Variants in IMPACT observed in about 807,000 individuals in gnomAD.
The protein encoded by IMPACT is protein IMPACT.
IMPACT carries 35 observed loss-of-function variants against 47.5 expected under a neutral mutation model. The observed-to-expected ratio is 0.74, with a 90% CI of 0.56 to 0.98. The LOEUF (loss-of-function observed/expected upper bound fraction) is 0.98, where lower values mean the gene tolerates loss of function less well. Among genes scored for constraint, IMPACT ranks in the 50% least tolerant of loss-of-function variants. The pLI, the probability that IMPACT is intolerant of heterozygous loss-of-function variation, is 0.00. For synonymous variants in IMPACT, 118 were observed against 125.6 expected (o/e 0.94, Z 0.40); for missense variants, 373 against 394.8 (o/e 0.94, Z 0.47).
At position 24,427,267 on chromosome 18, in the gene IMPACT, T is replaced by A. The variant is rs558944211; in HGVS notation, c.36+475T>A. 17 of 159,832 alleles carry A rather than the reference T, an allele frequency of 1.1e-4. 1 individual carries two copies. In the South Asian group the frequency reaches 1.8e-3, roughly 17 times the overall value. 9.9% of individuals were successfully genotyped at this position (159,832 alleles called of 1,614,324 possible). A position where few individuals can be genotyped will look rare whatever the true frequency, so the allele number is the denominator to read the frequency against. On this transcript the variant is annotated intron_variant, in intron 1 of 10. Coordinates refer to ENST00000284202, the MANE Select transcript of IMPACT (RefSeq NM_018439.4). ...TTCACGTGGGCGATCATAAGTCTTTTCCTACAGGGCTGTGAGTACAAAATG... is the reference window on the plus strand; with the variant it reads ...TTCACGTGGGCGATCATAAGTCTTTACCTACAGGGCTGTGAGTACAAAATG...
chr18:24,450,702 A>G, intron 10 of IMPACT, 77 bp from the exon 11 acceptor site: 1 of 884,970 alleles, frequency 1.1e-6, no homozygotes, highest in South Asian at 1.5e-5. Context: ...ATGTGTAAAT[A>G]TATTCTAAGT....
At chr18:24,443,342 T>G (rs1031586654) in intron 7 of IMPACT, among the ~76,000 whole-genome samples, 190 bp downstream of exon 7, 3 of 152,202 alleles carry the variant, frequency 2.0e-5, no homozygotes, top group African/African-American at 4.8e-5. Context: ...GTCTCTGCTT[T>G]CTTTCTTTTT....
At position 24,431,763 on chromosome 18, in the gene IMPACT, A is replaced by G. The variant is rs950126195; in HGVS notation, c.281+1379A>G. The stretch of plus-strand genomic sequence containing the variant: ...GTTGCCCAGGCTGGAGTGCAGTGGC[A>G]TGATCTTGGCTCACTGCAACCCCTG... On this transcript the variant is annotated intron_variant, in intron 4 of 10. Coordinates refer to ENST00000284202, the MANE Select transcript of IMPACT (RefSeq NM_018439.4). Among the ~76,000 whole-genome samples the G allele has an allele frequency of 3.3e-5, 5 of 152,152 alleles. No homozygotes were observed. The East Asian group carries it at 9.7e-4, about 29-fold the overall frequency.
Position 24,450,831 on chromosome 18 carries a change from A to T in IMPACT, c.947A>T (p.Lys316Met). 6.2e-7 allele frequency: 1 copy of T among 1,604,228 alleles called. No individual in the cohort carries two copies. The highest frequency in any genetic ancestry group is 8.5e-7 in the Non-Finnish European group (1 of 1,171,650). ...GKNKKVRKDK[K>M]RNEH is the part of the protein sequence containing the mutation. ...AACAAAAAAGTAAGAAAAGACAAGA[A>T]GAGGAATGAACATTAATACCTGAAA... Residue 316 changes from lysine (K) to methionine (M), a missense_variant, in exon 11 of 11, where the codon AAG becomes ATG. Lys to Met is a moderately conservative substitution (Grantham distance 95). Coordinates refer to ENST00000284202, the MANE Select transcript of IMPACT (RefSeq NM_018439.4).
chr18:24,444,504 T>C (rs1325835815), intron 7 of IMPACT, among the ~76,000 whole-genome samples: 1 of 152,214 alleles, frequency 6.6e-6, no homozygotes, highest in Non-Finnish European at 1.5e-5. Flanking sequence ...CTCTCTCTTA[T>C]CCACCTTCAC....
intron 4 of IMPACT, among the ~76,000 whole-genome samples, chr18:24,436,880 T>C (rs1358006770): frequency 1.3e-5 from 2 of 152,182 alleles, no homozygotes; most frequent in African/African-American, 4.8e-5. Context: ...ATCCAGCTTA[T>C]AATATTGAAA....
At chr18:24,441,554 T>C (rs1234425991) in intron 6 of IMPACT, among the ~76,000 whole-genome samples, 2 of 152,234 alleles carry the variant, frequency 1.3e-5, no homozygotes, top group African/African-American at 4.8e-5. Flanking sequence ...TGTGATATTA[T>C]GTTTCATTTT....
chr18:24,434,570 C>T (rs751618457), intron 4 of IMPACT, among the ~76,000 whole-genome samples: 3 of 151,624 alleles, frequency 2.0e-5, no homozygotes, highest in Admixed American at 6.6e-5. Flanking sequence ...GTCAGGAGTT[C>T]GAAACCAGCC....
intron 1 of IMPACT, 37 bp downstream of exon 1, chr18:24,426,829 G>GCTCCGGCTCGC (rs2144327393): frequency 8.1e-7 from 1 of 1,228,852 alleles, no homozygotes; most frequent in East Asian, 3.2e-5. Context: ...TCCAGGCTCG[G>GCTCCGGCTCGC]CTCCGGCTCG....
At chr18:24,426,979 C>T (rs1054822401) in intron 1 of IMPACT, 187 bp downstream of exon 1, 2 of 412,254 alleles carry the variant, frequency 4.9e-6, no homozygotes, top group Non-Finnish European at 8.3e-6. Flanking sequence ...CTTAGGCCGG[C>T]GGCTCCTCGG....
At position 24,428,028 on chromosome 18, in the gene IMPACT, A is replaced by T; in HGVS notation, c.146A>T (p.Lys49Ile). The change falls in exon 2 of 11, where the codon AAA (lysine) becomes ATA (isoleucine). Residue 49 changes from lysine to isoleucine, a missense_variant. Transcript: ENST00000284202. ...ATTAGCGACGATATAGATGACCCCAAATGGACACTTTGCTTGCAGGTACTT... is the reference window on the plus strand; with the variant it reads ...ATTAGCGACGATATAGATGACCCCATATGGACACTTTGCTTGCAGGTACTT... ...IRISDDIDDP[K>I]WTLCLQVMLP... 1.9e-6 allele frequency: 3 copies of T among 1,580,498 alleles called. No individual in the cohort carries two copies. Among genetic ancestry groups the T allele is most frequent in the Non-Finnish European group, 1.7e-6 (2 of 1,169,232 alleles).
chr18:24,437,470 T>C (rs1488745561), intron 4 of IMPACT, among the ~76,000 whole-genome samples: 1 of 152,236 alleles, frequency 6.6e-6, no homozygotes, highest in Non-Finnish European at 1.5e-5. Context: ...TTTTAGGTCT[T>C]GTAAATTGAC....
Position 24,445,389 on chromosome 18 carries a change from T to C in IMPACT, c.595-4T>C. 1.9e-6 allele frequency: 3 copies of C among 1,552,368 alleles called. No homozygotes were observed. Among genetic ancestry groups the C allele is most frequent in the Non-Finnish European group, 1.8e-6 (2 of 1,135,296 alleles). ...TACTTATTTATATTATTGCTGTTTT[T>C]AAGGTGAAAATGGTTCTTTCCAAAT... On this transcript the variant is annotated splice_region_variant and splice_polypyrimidine_tract_variant and intron_variant, in intron 7 of 10. Coordinates refer to ENST00000284202, the MANE Select transcript of IMPACT (RefSeq NM_018439.4).
intron 9 of IMPACT, among the ~76,000 whole-genome samples, chr18:24,449,370 C>T (rs1216626611): frequency 6.6e-6 from 1 of 152,146 alleles, no homozygotes; most frequent in Non-Finnish European, 1.5e-5. Flanking sequence ...ATCTAGATCT[C>T]AACTGATGAA....
chr18:24,439,636 CAAAAAA>C (rs56036836), intron 5 of IMPACT: 2 of 65,746 alleles, frequency 3.0e-5, no homozygotes, highest in Non-Finnish European at 5.5e-5. Flanking sequence ...GACTCCGGCT[CAAAAAA>C]AAAAAAAAAA....
chr18:24,426,888 GC>G, intron 1 of IMPACT, 96 bp downstream of exon 1: 1 of 894,734 alleles, frequency 1.1e-6, no homozygotes, highest in Non-Finnish European at 1.5e-6. Context: ...GCCTGGGGCC[GC>G]CCCGGGTTCC....
At chr18:24,443,028 A>C in intron 6 of IMPACT, 21 bp from the exon 7 acceptor site, 1 of 1,327,402 alleles carries the variant, frequency 7.5e-7, no homozygotes, top group Non-Finnish European at 1.1e-6. Flanking sequence ...TTAAAAAATA[A>C]AGTTTCTTTT....
At chr18:24,430,274 T>A (rs1908718114) in intron 3 of IMPACT, 48 bp from the exon 4 acceptor site, 1 of 1,324,016 alleles carries the variant, frequency 7.6e-7, no homozygotes, top group African/African-American at 1.5e-5. Context: ...ATTTGAGGTA[T>A]AAACATAATC....
rs201120476 is a variant in IMPACT at position 24,440,430 on chromosome 18, A to AT, written c.368-57dup. ...GGTATTTAGAACCCAAGACCCAGTG[A>AT]TTTTTTTTTAAAAAGCATCGTTTCT... On this transcript the variant is annotated intron_variant, in intron 5 of 10. Transcript: ENST00000284202. 6.4e-4 allele frequency: 975 copies of AT among 1,531,344 alleles called. 5 individuals are homozygous for AT. In the East Asian group the frequency reaches 0.011, roughly 17 times the overall value. The allele number at this position is 1,531,344 out of a possible 1,614,324, so 94.9% of individuals were successfully genotyped here.
Sources: gnomAD v4.1 joint callset for allele counts (sites outside exome capture counted in the v4.1 genomes callset) on GRCh38, gnomAD v4.1.1 for gene constraint, MANE v1.5 for transcripts, NCBI Gene and HGNC (gene_info 2026-07-23, HGNC 2026-07-21) for gene names.